Variants in DNER observed in about 807,000 individuals in gnomAD.
DNER encodes the protein delta/notch like EGF repeat containing.
In DNER, 33 loss-of-function variants were observed where a neutral mutation model predicts 78.2. The observed-to-expected ratio is 0.42, with a 90% CI of 0.32 to 0.56. The LOEUF is 0.56. Ranked by LOEUF, DNER falls within the 20% of genes least tolerant of loss-of-function variation. The pLI is 0.11. For missense variants in DNER, 918 were observed against 975.3 expected, an observed-to-expected ratio of 0.94 and a Z score of 0.78; for synonymous variants, 417 against 384.8, an observed-to-expected ratio of 1.08 and a Z score of -0.98.
intron 6 of DNER, among the ~76,000 whole-genome samples, chr2:229,499,903 G>A (rs1052755831): frequency 1.7e-4 from 25 of 149,478 alleles, no homozygotes; most frequent in African/African-American, 5.9e-4. Context: ...TTTTAAAAAT[G>A]GGCAAAAAAT....
intron 11 of DNER, among the ~76,000 whole-genome samples, chr2:229,380,974 A>T (rs184226952): frequency 2.0e-5 from 3 of 152,226 alleles, no homozygotes; most frequent in Admixed American, 1.3e-4. Context: ...ACTGGAGGGG[A>T]GGCTGGCAAA....
chr2:229,672,674 G>T, intron 1 of DNER, among the ~76,000 whole-genome samples: 1 of 151,560 alleles, frequency 6.6e-6, no homozygotes, highest in Admixed American at 6.6e-5. Flanking sequence ...TTAAGGGAGA[G>T]ATATGAGATA....
In DNER at chr2:229,714,329, G is replaced by A. The variant is rs1356612302; in HGVS notation, c.95C>T (p.Ser32Phe). The change falls in exon 1 of 13, where the codon TCC becomes TTC. Residue 32 changes from serine (S) to phenylalanine (F), a missense_variant. Ser to Phe is a radical substitution (Grantham distance 155). Transcript: ENST00000341772. Reference sequence around the variant, plus strand: ...CGCGGCGGGCACCGGGTTGGCCAGGGAGCTGCCTCGGGGCCCCGCTCCGAG... The same window carrying A: ...CGCGGCGGGCACCGGGTTGGCCAGGAAGCTGCCTCGGGGCCCCGCTCCGAG... The part of the protein sequence containing the change: ...LLLGAGPRGS[S>F]LANPVPAAPL... 1.8e-5 allele frequency: 23 copies of A among 1,271,402 alleles called. No homozygotes were observed. Among genetic ancestry groups the A allele is most frequent in the Admixed American group, 4.2e-5 (1 of 23,652 alleles). 78.8% of individuals were successfully genotyped at this position (1,271,402 alleles called of 1,614,324 possible). A position where few individuals can be genotyped will look rare whatever the true frequency, so the allele number is the denominator to read the frequency against.
intron 5 of DNER, among the ~76,000 whole-genome samples, chr2:229,526,333 C>T (rs1379430407): frequency 6.6e-6 from 1 of 152,142 alleles, no homozygotes; most frequent in African/African-American, 2.4e-5. Context: ...GTTAACGTAT[C>T]ATATTTTAAC....
rs1252656257 is a variant in DNER, at chr2:229,407,274, C to T, written c.1681G>A (p.Asp561Asn). ...CAGATGCACGTGCCATTCAGGCCGT[C>T]GCTGTCACAGGTGGCTCCGTTCAGA... ...SCLNGATCDSDGLNGTCICAP... is the reference protein window; with the variant it reads ...SCLNGATCDSNGLNGTCICAP... Residue 561 changes from aspartate to asparagine, a missense_variant, in exon 10 of 13, where the codon GAC becomes AAC. Physicochemically the swap from Asp to Asn is conservative, Grantham distance 23. Coordinates refer to ENST00000341772, the MANE Select transcript of DNER (RefSeq NM_139072.4). The T allele has an allele frequency of 1.2e-6, 2 of 1,613,814 alleles. No homozygotes were observed. The highest frequency in any genetic ancestry group is 1.7e-6 in the Non-Finnish European group (2 of 1,179,718).
At chr2:229,656,193 G>C (rs1698908853) in intron 1 of DNER, among the ~76,000 whole-genome samples, 1 of 152,158 alleles carries the variant, frequency 6.6e-6, no homozygotes. Flanking sequence ...TTTGCCTGTG[G>C]TTACCACATG....
chr2:229,453,088 CT>C (rs1694495267), intron 7 of DNER, among the ~76,000 whole-genome samples: 1 of 152,196 alleles, frequency 6.6e-6, no homozygotes, highest in African/African-American at 2.4e-5. Context: ...AACTGTGGGA[CT>C]TTGGGCTAGT....
At chr2:229,552,228 C>CA (rs754511254) in intron 4 of DNER, among the ~76,000 whole-genome samples, 11 of 152,204 alleles carry the variant, frequency 7.2e-5, no homozygotes, top group Non-Finnish European at 1.6e-4. Flanking sequence ...GTGAACCTCG[C>CA]AGCCATGATT....
intron 6 of DNER, among the ~76,000 whole-genome samples, chr2:229,501,907 C>T (rs1010622782): frequency 3.9e-5 from 6 of 152,154 alleles, no homozygotes; most frequent in African/African-American, 1.4e-4. Flanking sequence ...CAACAAGGAG[C>T]GGCCTGGCTT....
chr2:229,362,907 C>T (rs1692247563), intron 12 of DNER, among the ~76,000 whole-genome samples: 1 of 152,202 alleles, frequency 6.6e-6, no homozygotes, highest in Admixed American at 6.5e-5. Context: ...AAGTCAACCA[C>T]TAAAACAATG....
At chr2:229,460,011 G>A (rs1464320591) in intron 7 of DNER, among the ~76,000 whole-genome samples, 1 of 151,826 alleles carries the variant, frequency 6.6e-6, no homozygotes, top group Non-Finnish European at 1.5e-5. Context: ...CAAAAAATTA[G>A]CTGGGCGTGG....
At chr2:229,576,225 C>A (rs1205104305) in intron 4 of DNER, among the ~76,000 whole-genome samples, 2 of 151,728 alleles carry the variant, frequency 1.3e-5, no homozygotes, top group Non-Finnish European at 2.9e-5. Flanking sequence ...TAGATGATAT[C>A]TTTTCCAAAC....
intron 10 of DNER, among the ~76,000 whole-genome samples, chr2:229,399,577 T>C (rs1214451132): frequency 1.3e-5 from 2 of 152,026 alleles, no homozygotes; most frequent in Admixed American, 6.6e-5. Context: ...AGAATAGTTA[T>C]AACAGTTTTG....
intron 1 of DNER, among the ~76,000 whole-genome samples, chr2:229,698,381 A>C (rs1486664819): frequency 1.3e-5 from 2 of 152,200 alleles, no homozygotes; most frequent in African/African-American, 4.8e-5. Flanking sequence ...AAAACAATCA[A>C]GCATACTCAC....
intron 1 of DNER, among the ~76,000 whole-genome samples, chr2:229,640,190 C>T (rs986096044): frequency 6.6e-6 from 1 of 152,200 alleles, no homozygotes; most frequent in Non-Finnish European, 1.5e-5. Flanking sequence ...AATATCAGCC[C>T]AAGTGTGCTT....
intron 5 of DNER, among the ~76,000 whole-genome samples, chr2:229,530,982 G>A (rs1467365796): frequency 6.6e-6 from 1 of 152,136 alleles, no homozygotes; most frequent in Non-Finnish European, 1.5e-5. Flanking sequence ...CTGGGGGTGA[G>A]GTGTGACCTG....
chr2:229,378,870 T>G (rs1277456762), intron 11 of DNER, among the ~76,000 whole-genome samples: 1 of 152,114 alleles, frequency 6.6e-6, no homozygotes, highest in Non-Finnish European at 1.5e-5. Context: ...TCAGACCCAA[T>G]TATCTAGACA....
At chr2:229,673,867 C>T (rs764785342) in intron 1 of DNER, among the ~76,000 whole-genome samples, 3 of 152,238 alleles carry the variant, frequency 2.0e-5, no homozygotes, top group Non-Finnish European at 4.4e-5. Flanking sequence ...AACACAAAGA[C>T]TCATACCCAG....
intron 4 of DNER, among the ~76,000 whole-genome samples, chr2:229,569,717 A>C (rs764691086): frequency 4.6e-5 from 7 of 152,060 alleles, no homozygotes; most frequent in Non-Finnish European, 8.8e-5. Flanking sequence ...TATTTTTGTT[A>C]CATTATTATT....
Sources: gnomAD v4.1 joint callset for allele counts (sites outside exome capture counted in the v4.1 genomes callset) on GRCh38, gnomAD v4.1.1 for gene constraint, MANE v1.5 for transcripts, NCBI Gene and HGNC (gene_info 2026-07-23, HGNC 2026-07-21) for gene names.